Variants in GRHL3 observed in about 807,000 individuals in gnomAD.
GRHL3 encodes grainyhead like transcription factor 3.
GRHL3 carries 20 observed loss-of-function variants against 70.3 expected under a neutral mutation model. That is an observed-to-expected ratio of 0.28 (90% CI 0.20 to 0.41). The LOEUF (loss-of-function observed/expected upper bound fraction) is 0.41, where lower values mean the gene tolerates loss of function less well. GRHL3 is among the 10% of genes least tolerant of loss of function. The pLI is 1.00. For missense variants in GRHL3, 637 were observed against 762.3 expected, an observed-to-expected ratio of 0.84 and a Z score of 1.94; for synonymous variants, 299 against 299.9, an observed-to-expected ratio of 1.00 and a Z score of 0.03.
Position 24,334,291 on chromosome 1 carries a change from G to A in GRHL3, c.205-354G>A, listed in dbSNP as rs377264442. Reference sequence around the variant, plus strand: ...CACAGTTCAGCATGGCCAGGGAGGCGTCAGGAAACTTAAATCATGGAGGAA... The same window carrying A: ...CACAGTTCAGCATGGCCAGGGAGGCATCAGGAAACTTAAATCATGGAGGAA... On this transcript the variant is annotated intron_variant, in intron 2 of 15. Transcript: ENST00000361548. The surrounding 1 kb of genome is among the most constrained non-coding windows in gnomAD (Gnocchi z 4.3). Among the ~76,000 whole-genome samples the A allele has an allele frequency of 7.2e-5, 11 of 152,254 alleles. No homozygotes were observed. The highest frequency in any genetic ancestry group is 1.3e-4 in the Admixed American group (2 of 15,306).
At chr1:24,327,357 T>G (rs1021163217) in intron 1 of GRHL3, among the ~76,000 whole-genome samples, 2 of 152,236 alleles carry the variant, frequency 1.3e-5, no homozygotes, top group Middle Eastern at 3.2e-3. Flanking sequence ...CTGTCTCATT[T>G]TAGTTGATTC....
At chr1:24,328,942 G>A (rs72878811) in intron 1 of GRHL3, among the ~76,000 whole-genome samples, 4,787 of 152,238 alleles carry the variant, frequency 0.031, 257 homozygotes, top group African/African-American at 0.11. Flanking sequence ...CCCATGCCTC[G>A]TTGGTTGGGA....
At chr1:24,328,513 A>G (rs1482258806) in intron 1 of GRHL3, among the ~76,000 whole-genome samples, 5 of 152,250 alleles carry the variant, frequency 3.3e-5, no homozygotes, top group African/African-American at 9.6e-5. Flanking sequence ...AATAGCAGAC[A>G]TTGTCTGTTC....
chr1:24,349,910 G>C (rs755181441), intron 14 of GRHL3, 148 bp from the exon 15 acceptor site: 59 of 617,810 alleles, frequency 9.5e-5, no homozygotes, highest in Non-Finnish European at 1.6e-4. Flanking sequence ...CAGGATTATA[G>C]ATGATTGTAA....
At chr1:24,346,874 T>C (rs1640309500) in intron 13 of GRHL3, among the ~76,000 whole-genome samples, 1 of 152,224 alleles carries the variant, frequency 6.6e-6, no homozygotes, top group African/African-American at 2.4e-5. Context: ...GTGGGAGTCC[T>C]GGGCAGCTGG....
intron 12 of GRHL3, 93 bp from the exon 13 acceptor site, chr1:24,346,460 C>A: frequency 2.5e-6 from 2 of 785,230 alleles, no homozygotes; most frequent in East Asian, 2.6e-5. Context: ...TGTTTTCTTC[C>A]CCATTTCTAG....
chr1:24,360,554 A>G (rs567441379), intron 15 of GRHL3, among the ~76,000 whole-genome samples: 1 of 152,362 alleles, frequency 6.6e-6, no homozygotes, highest in Non-Finnish European at 1.5e-5. Flanking sequence ...TATATGTGCC[A>G]ATTCTTCAGC....
At chr1:24,357,952 G>T (rs967453967), downstream of GRHL3, 1 of 344,696 alleles carries the variant, frequency 2.9e-6, no homozygotes, top group Non-Finnish European at 5.8e-6. Flanking sequence ...AAGGAGTAAA[G>T]AGAGGTCTTT....
Position 24,334,809 on chromosome 1 carries a change from G to C in GRHL3, c.266+103G>C. 5 of 676,530 alleles carry C rather than the reference G, an allele frequency of 7.4e-6. No individual in the cohort carries two copies. The highest frequency in any genetic ancestry group is 1.2e-5 in the Non-Finnish European group (5 of 406,932). 41.9% of individuals were successfully genotyped at this position (676,530 alleles called of 1,614,324 possible). On this transcript the variant is annotated intron_variant, in intron 3 of 15. Coordinates refer to ENST00000361548, the MANE Select transcript of GRHL3 (RefSeq NM_198173.3). This position sits in a 1 kb window ranked among gnomAD's most constrained non-coding sequence, Gnocchi z 4.3. ...ATCCATTAGGCACAGGAGGCACAGTGCTGAGGGCCCACAACACATTTTGGG... is the reference window on the plus strand; with the variant it reads ...ATCCATTAGGCACAGGAGGCACAGTCCTGAGGGCCCACAACACATTTTGGG...
At chr1:24,343,421 A>G (rs993763127) in intron 11 of GRHL3, 9 of 196,888 alleles carry the variant, frequency 4.6e-5, no homozygotes, top group African/African-American at 2.1e-4. Flanking sequence ...CAGCCCTGGG[A>G]AGTCAATAAT....
In GRHL3 at chr1:24,351,821, C is replaced by T. The variant is rs944607686; in HGVS notation, c.1694+1699C>T. Among the ~76,000 whole-genome samples the T allele has an allele frequency of 2.0e-5, 3 of 152,310 alleles. No homozygotes were observed. In the East Asian group the frequency reaches 5.8e-4, roughly 29 times the overall value. On this transcript the variant is annotated intron_variant, in intron 15 of 15. Coordinates refer to ENST00000361548, the MANE Select transcript of GRHL3 (RefSeq NM_198173.3). ...TTCCTACATGCCAGGCACTGGGCTG[C>T]ATCACTCCCAAGCATCATCTCGTTG...
At chr1:24,341,430 T>C (rs1440218974) in intron 8 of GRHL3, among the ~76,000 whole-genome samples, 1 of 152,170 alleles carries the variant, frequency 6.6e-6, no homozygotes, top group African/African-American at 2.4e-5. Flanking sequence ...CTGCAGCAGA[T>C]GTGGGCGGCC....
At chr1:24,323,318 C>G (rs1175478491) in intron 1 of GRHL3, among the ~76,000 whole-genome samples, 1 of 152,120 alleles carries the variant, frequency 6.6e-6, no homozygotes, top group East Asian at 1.9e-4. Flanking sequence ...CACCCTAGAC[C>G]TACTGAATCA....
rs575281057 is a variant in GRHL3, at chr1:24,341,793, C to A, written c.1048-322C>A. On this transcript the variant is annotated intron_variant, in intron 8 of 15. Coordinates refer to ENST00000361548, the MANE Select transcript of GRHL3 (RefSeq NM_198173.3). The stretch of plus-strand genomic sequence containing the variant: ...TCCTATAGGACTCTTGACATCCCCC[C>A]CAGTCTCCACCCCTTGGGCTGCCCT... Among the ~76,000 whole-genome samples, 75 of 152,336 alleles carry A rather than the reference C, an allele frequency of 4.9e-4. 3 individuals carry two copies. Among genetic ancestry groups the A allele is most frequent in the Admixed American group, 2.8e-3 (43 of 15,302 alleles).
rs1012841603 is a variant in GRHL3, at chr1:24,334,308, A to G, written c.205-337A>G. ...AGGGAGGCGTCAGGAAACTTAAATC[A>G]TGGAGGAAGGGGAAGCAAACACATC... On this transcript the variant is annotated intron_variant, in intron 2 of 15. Coordinates refer to ENST00000361548, the MANE Select transcript of GRHL3 (RefSeq NM_198173.3). This position sits in a 1 kb window ranked among gnomAD's most constrained non-coding sequence, Gnocchi z 4.3. 3.9e-5 allele frequency among the ~76,000 whole-genome samples: 6 copies of G among 152,194 alleles called. No individual in the cohort carries two copies. The highest frequency in any genetic ancestry group is 7.3e-5 in the Non-Finnish European group (5 of 68,034).
intron 1 of GRHL3, among the ~76,000 whole-genome samples, chr1:24,323,380 A>G (rs928642065): frequency 6.6e-6 from 1 of 152,132 alleles, no homozygotes. Flanking sequence ...CCTCCAGGTG[A>G]TTCTGATGCG....
chr1:24,340,785 GATT>G (rs1459799774), intron 8 of GRHL3, among the ~76,000 whole-genome samples: 1 of 152,206 alleles, frequency 6.6e-6, no homozygotes, highest in Admixed American at 6.5e-5. Flanking sequence ...CAAAGGCAGG[GATT>G]ATTATTATTC....
Position 24,319,485 on chromosome 1 carries a change from G to A in GRHL3, c.-67G>A, listed in dbSNP as rs1639096044. 1.4e-6 allele frequency: 2 copies of A among 1,455,864 alleles called. No homozygotes were observed. Among genetic ancestry groups the A allele is most frequent in the Admixed American group, 3.3e-5 (2 of 59,828 alleles). The allele number at this position is 1,455,864 out of a possible 1,614,324, so 90.2% of individuals were successfully genotyped here. ...TCCCGGGCAGAGAATGTCTGTGTCA[G>A]GCAAGAATTAGAGACAAGCGGTCAG... On this transcript the variant is annotated 5_prime_UTR_variant, in exon 1 of 16. Transcript: ENST00000361548.
intron 14 of GRHL3, among the ~76,000 whole-genome samples, chr1:24,348,535 G>A (rs187481921): frequency 6.6e-6 from 1 of 152,176 alleles, no homozygotes; most frequent in Non-Finnish European, 1.5e-5. Context: ...AGAGGCTTTG[G>A]GTTGGACAAT....
Sources: gnomAD v4.1 joint callset for allele counts (sites outside exome capture counted in the v4.1 genomes callset) on GRCh38, gnomAD v4.1.1 for gene constraint, Gnocchi (gnomAD v3.1) non-coding constraint, MANE v1.5 for transcripts, NCBI Gene and HGNC (gene_info 2026-07-23, HGNC 2026-07-21) for gene names.